Variants in HPD observed in about 807,000 individuals in gnomAD.
The protein encoded by HPD is 4-hydroxyphenylpyruvic acid oxidase.
HPD carries 35 observed loss-of-function variants against 56.9 expected under a neutral mutation model. That is an observed-to-expected ratio of 0.62 (90% CI 0.47 to 0.82). HPD has a LOEUF of 0.82. HPD is among the 40% of genes least tolerant of loss of function. The probability of loss-of-function intolerance (pLI) is 0.00; values close to 1 mark genes in which losing one functional copy is unlikely to be tolerated. For synonymous variants in HPD, 186 were observed against 200.2 expected (o/e 0.93, Z 0.60); for missense variants, 442 against 506.8 (o/e 0.87, Z 1.23).
intron 11 of HPD, among the ~76,000 whole-genome samples, chr12:121,844,602 G>T (rs1877513515): frequency 6.6e-6 from 1 of 151,704 alleles, no homozygotes; most frequent in Admixed American, 6.6e-5. Flanking sequence ...ACAAAAAAAA[G>T]GCCGGGCGAG....
At position 121,854,864 on chromosome 12, in the gene HPD, C is replaced by A; in HGVS notation, c.325-72G>T. Reference sequence around the variant, plus strand: ...CAGAACCCTTGCCTGCTGCTCCTGCCTGGTGGCCTCTGCGTGGTCCTGCAG... The same window carrying A: ...CAGAACCCTTGCCTGCTGCTCCTGCATGGTGGCCTCTGCGTGGTCCTGCAG... On this transcript the variant is annotated intron_variant, in intron 6 of 13. Transcript: ENST00000289004. The A allele has an allele frequency of 2.5e-6, 3 of 1,195,204 alleles. No homozygotes were observed. In the South Asian group the frequency reaches 3.6e-5, roughly 14 times the overall value. The allele number at this position is 1,195,204 out of a possible 1,614,324, so 74.0% of individuals were successfully genotyped here.
chr12:121,882,413 G>A, the HPD span, among the ~76,000 whole-genome samples: 2 of 152,168 alleles, frequency 1.3e-5, no homozygotes, highest in African/African-American at 4.8e-5. Context: ...AGAGGCAACT[G>A]AAGTTCTCCT....
At chr12:121,858,761 G>T (rs1263417501) in intron 1 of HPD, 48 bp from the exon 2 acceptor site, 8 of 1,613,828 alleles carry the variant, frequency 5.0e-6, no homozygotes, top group African/African-American at 2.7e-5. Flanking sequence ...CCAACACAAG[G>T]TGCTTCTGGA....
chr12:121,839,985 C>G lies in HPD; in HGVS notation c.1018G>C (p.Val340Leu), dbSNP rs36023382. The G allele has an allele frequency of 1.7e-5, 27 of 1,613,780 alleles. No homozygotes were observed. Among genetic ancestry groups the G allele is most frequent in the Non-Finnish European group, 2.3e-5 (27 of 1,179,906 alleles). Residue 340 changes from valine (V) to leucine (L), a missense_variant, in exon 13 of 14, where the codon GTG (valine) becomes CTG (leucine). Transcript: ENST00000289004. Reference protein sequence around the residue: ...GYLLQIFTKPVQDRPTLFLEV... With the variant: ...GYLLQIFTKPLQDRPTLFLEV... ...AGGAAGAGCGTGGGCCGGTCCTGCACCGGTTTGGTGAAGATCTGCAGGAGG... is the reference window on the plus strand; with the variant it reads ...AGGAAGAGCGTGGGCCGGTCCTGCAGCGGTTTGGTGAAGATCTGCAGGAGG...
the HPD span, among the ~76,000 whole-genome samples, chr12:121,881,738 C>T: frequency 2.0e-5 from 3 of 151,142 alleles, no homozygotes; most frequent in Non-Finnish European, 4.4e-5. Flanking sequence ...ACTCCGCCTC[C>T]CGGGTTCAAG....
intron 12 of HPD, among the ~76,000 whole-genome samples, chr12:121,842,068 GA>G (rs1877425695): frequency 6.6e-6 from 1 of 151,748 alleles, no homozygotes; most frequent in African/African-American, 2.4e-5. Flanking sequence ...GCTGGGGTGG[GA>G]GGGGGGAAGG....
intron 12 of HPD, among the ~76,000 whole-genome samples, chr12:121,842,320 A>G (rs1002530337): frequency 6.6e-6 from 1 of 151,754 alleles, no homozygotes; most frequent in African/African-American, 2.4e-5. Flanking sequence ...TTGTAGATAC[A>G]GGGTCGCCCT....
At chr12:121,870,832 T>C in the HPD span, among the ~76,000 whole-genome samples, 1 of 151,910 alleles carries the variant, frequency 6.6e-6, no homozygotes, top group South Asian at 2.1e-4. Flanking sequence ...CCGACCTCAG[T>C]TGATCCGCCC....
intron 12 of HPD, among the ~76,000 whole-genome samples, chr12:121,842,458 G>A (rs193202167): frequency 4.2e-4 from 64 of 151,742 alleles, no homozygotes; most frequent in African/African-American, 1.5e-3. Context: ...CTTTTAGACA[G>A]GGTATCACCC....
the HPD span, among the ~76,000 whole-genome samples, chr12:121,870,208 T>C: frequency 6.6e-6 from 1 of 152,220 alleles, no homozygotes; most frequent in Admixed American, 6.6e-5. Flanking sequence ...TAACACAAAC[T>C]AAATTCCCAT....
the HPD span, among the ~76,000 whole-genome samples, chr12:121,875,936 C>T: frequency 6.6e-6 from 1 of 152,032 alleles, no homozygotes; most frequent in Admixed American, 6.6e-5. Flanking sequence ...GCCTGGGCAA[C>T]AAAGCAAAAT....
chr12:121,871,251 G>C, the HPD span, among the ~76,000 whole-genome samples: 1 of 152,112 alleles, frequency 6.6e-6, no homozygotes, highest in Middle Eastern at 3.4e-3. Context: ...TGTAGTCCTA[G>C]CTGCTCAGGA....
intron 12 of HPD, among the ~76,000 whole-genome samples, chr12:121,841,961 G>A (rs1877422454): frequency 6.6e-6 from 1 of 151,998 alleles, no homozygotes; most frequent in Admixed American, 6.6e-5. Flanking sequence ...GGGATTACAG[G>A]CATGAGCCAC....
chr12:121,888,432 T>A, the HPD span, among the ~76,000 whole-genome samples: 2 of 152,176 alleles, frequency 1.3e-5, no homozygotes, highest in African/African-American at 4.8e-5. Context: ...AACCTTAATG[T>A]ATTTTGTAAA....
chr12:121,851,009 A>G (rs1162891816), intron 7 of HPD, among the ~76,000 whole-genome samples: 1 of 151,230 alleles, frequency 6.6e-6, no homozygotes, highest in Non-Finnish European at 1.5e-5. Context: ...GATTACAGGC[A>G]TGCACCACCA....
chr12:121,855,332 C>T (rs145912418), intron 6 of HPD, among the ~76,000 whole-genome samples: 28 of 152,300 alleles, frequency 1.8e-4, no homozygotes, highest in African/African-American at 6.0e-4. Context: ...GGCTAAGATT[C>T]AGACCTGGAG....
intron 6 of HPD, among the ~76,000 whole-genome samples, chr12:121,855,994 A>AAT (rs1877981087): frequency 6.6e-6 from 1 of 150,540 alleles, no homozygotes; most frequent in Non-Finnish European, 1.5e-5. Flanking sequence ...AAAAAAAAAA[A>AAT]GGAAATGGTA....
the HPD span, among the ~76,000 whole-genome samples, chr12:121,869,645 C>G: frequency 4.0e-5 from 6 of 151,324 alleles, no homozygotes; most frequent in African/African-American, 1.5e-4. Context: ...TTGCCTCAGC[C>G]TCCTGAGTAG....
chr12:121,859,160 C>T, upstream of HPD: 1 of 411,302 alleles, frequency 2.4e-6, no homozygotes, highest in Non-Finnish European at 4.6e-6. Flanking sequence ...CCAAGGCCGG[C>T]TGGAGTGCAG....
Sources: allele counts gnomAD v4.1 joint callset (sites outside exome capture counted in the v4.1 genomes callset), GRCh38; gene constraint gnomAD v4.1.1; transcripts MANE v1.5; gene names NCBI Gene and HGNC (gene_info 2026-07-23, HGNC 2026-07-21).